Variants in CNTNAP2 observed in about 807,000 individuals in gnomAD.
The protein encoded by CNTNAP2 is contactin-associated protein-like 2.
CNTNAP2 carries 98 observed loss-of-function variants against 155.2 expected under a neutral mutation model. That is an observed-to-expected ratio of 0.63 (90% CI 0.54 to 0.75). The LOEUF (loss-of-function observed/expected upper bound fraction) is 0.75. CNTNAP2 is among the 30% of genes least tolerant of loss of function. The pLI is 0.00. For missense variants in CNTNAP2, 1,727 were observed against 1,688.1 expected, an observed-to-expected ratio of 1.02 and a Z score of -0.40; for synonymous variants, 651 against 631.2, an observed-to-expected ratio of 1.03 and a Z score of -0.47.
intron 2 of CNTNAP2, among the ~76,000 whole-genome samples, chr7:146,782,492 A>T (rs1802508648): frequency 6.6e-6 from 1 of 152,196 alleles, no homozygotes; most frequent in Non-Finnish European, 1.5e-5. Flanking sequence ...TACTGAGCTG[A>T]CCAAGGACAA....
chr7:147,371,942 A>G lies in CNTNAP2; in HGVS notation c.1499-23667A>G, dbSNP rs183454429. Among the ~76,000 whole-genome samples, 772 of 152,208 alleles carry G rather than the reference A, an allele frequency of 5.1e-3. 4 individuals carry two copies. Among genetic ancestry groups the G allele is most frequent in the African/African-American group, 0.018 (736 of 41,554 alleles). On this transcript the variant is annotated intron_variant, in intron 9 of 23. Coordinates refer to ENST00000361727, the MANE Select transcript of CNTNAP2 (RefSeq NM_014141.6). ...GTTCAGAAATGAACAAGGTGATGTA[A>G]ACACTGTCCCTAAATCTTGTTTCAC...
chr7:146,895,041 A>G (rs1452250936), intron 3 of CNTNAP2, among the ~76,000 whole-genome samples: 1 of 152,146 alleles, frequency 6.6e-6, no homozygotes, highest in Non-Finnish European at 1.5e-5. Flanking sequence ...TCCCATCTAC[A>G]GGGACAGTTT....
chr7:146,680,276 G>A (rs748412941), intron 1 of CNTNAP2, among the ~76,000 whole-genome samples: 33 of 152,030 alleles, frequency 2.2e-4, no homozygotes, highest in Non-Finnish European at 4.1e-4. Context: ...TGTGTGGAGG[G>A]AAATTTAAAA....
intron 1 of CNTNAP2, among the ~76,000 whole-genome samples, chr7:146,329,407 T>C (rs1801145553): frequency 6.6e-6 from 1 of 152,232 alleles, no homozygotes; most frequent in Admixed American, 6.5e-5. Context: ...ACATCTGACA[T>C]ATATGGAGGC....
chr7:147,040,117 C>A (rs899909502), intron 3 of CNTNAP2, among the ~76,000 whole-genome samples: 5 of 152,032 alleles, frequency 3.3e-5, no homozygotes, highest in Non-Finnish European at 7.4e-5. Flanking sequence ...AAGAGTAAAA[C>A]AACCCTGCTA....
chr7:147,706,571 T>C (rs1796320347), intron 13 of CNTNAP2, among the ~76,000 whole-genome samples: 1 of 152,216 alleles, frequency 6.6e-6, no homozygotes, highest in Non-Finnish European at 1.5e-5. Flanking sequence ...CTCTTTGTCT[T>C]TGACTTTTGA....
At position 146,397,886 on chromosome 7, in the gene CNTNAP2, TTA is replaced by T. The variant is rs201257529; in HGVS notation, c.97+280915_97+280916del. ...ATTTGACAGGCTTTTATTTATTTAT[TTA>T]TTTTTGACATGGTCTTGCTCTGTTG... On this transcript the variant is annotated intron_variant, in intron 1 of 23. Transcript: ENST00000361727. 3.1e-3 allele frequency among the ~76,000 whole-genome samples: 467 copies of T among 150,834 alleles called. 14 individuals are homozygous for T. Among genetic ancestry groups the T allele is most frequent in the South Asian group, 0.011 (52 of 4,802 alleles).
chr7:146,479,446 C>T (rs1198542970), intron 1 of CNTNAP2, among the ~76,000 whole-genome samples: 1 of 151,986 alleles, frequency 6.6e-6, no homozygotes, highest in African/African-American at 2.4e-5. Flanking sequence ...TTCATATTAG[C>T]TATATCACAT....
chr7:147,156,248 A>G (rs1801924952), intron 8 of CNTNAP2, among the ~76,000 whole-genome samples: 1 of 152,148 alleles, frequency 6.6e-6, no homozygotes, highest in Admixed American at 6.6e-5. Context: ...TGGTCCATTG[A>G]TAGGTTAAAA....
intron 10 of CNTNAP2, among the ~76,000 whole-genome samples, chr7:147,426,568 T>G (rs572527135): frequency 6.6e-6 from 1 of 152,274 alleles, no homozygotes; most frequent in African/African-American, 2.4e-5. Flanking sequence ...CACAACTAGG[T>G]CCATCAAGAT....
intron 14 of CNTNAP2, among the ~76,000 whole-genome samples, chr7:147,962,008 A>T (rs1180353674): frequency 2.0e-5 from 3 of 152,098 alleles, no homozygotes; most frequent in Non-Finnish European, 4.4e-5. Flanking sequence ...TAGATCCCTG[A>T]TGTGCTATGA....
In CNTNAP2 at chr7:148,051,940, C is replaced by A. The variant is rs533924706; in HGVS notation, c.2384-66178C>A. 3.9e-5 allele frequency among the ~76,000 whole-genome samples: 6 copies of A among 152,040 alleles called. No homozygotes were observed. The East Asian group carries it at 7.8e-4, about 20-fold the overall frequency. On this transcript the variant is annotated intron_variant, in intron 15 of 23. Coordinates refer to ENST00000361727, the MANE Select transcript of CNTNAP2 (RefSeq NM_014141.6). ...GGATCACGAGGTCAGGAGATGGAGACCATCCTGGCTAACACGGTGAAACCC... is the reference window on the plus strand; with the variant it reads ...GGATCACGAGGTCAGGAGATGGAGAACATCCTGGCTAACACGGTGAAACCC...
At chr7:147,768,161 A>G (rs1383959207) in intron 13 of CNTNAP2, among the ~76,000 whole-genome samples, 3 of 152,282 alleles carry the variant, frequency 2.0e-5, no homozygotes, top group East Asian at 3.9e-4. Context: ...CTCATCTGAA[A>G]AGGTTGAAGA....
At chr7:148,384,893 G>A (rs572072363) in intron 22 of CNTNAP2, among the ~76,000 whole-genome samples, 2 of 152,100 alleles carry the variant, frequency 1.3e-5, no homozygotes, top group Non-Finnish European at 2.9e-5. Flanking sequence ...TAAATCTGAC[G>A]TGTTTTATCA....
intron 4 of CNTNAP2, among the ~76,000 whole-genome samples, chr7:147,093,084 T>C (rs1800446177): frequency 6.7e-6 from 1 of 149,930 alleles, no homozygotes; most frequent in Non-Finnish European, 1.5e-5. Flanking sequence ...TATATATATA[T>C]ATATATATTA....
chr7:146,198,499 G>C (rs950501614), intron 1 of CNTNAP2, among the ~76,000 whole-genome samples: 1 of 151,972 alleles, frequency 6.6e-6, no homozygotes, highest in Non-Finnish European at 1.5e-5. Flanking sequence ...TGTTTAATTG[G>C]GTGTTGCTAG....
chr7:147,902,415 T>G (rs985898565), intron 13 of CNTNAP2, among the ~76,000 whole-genome samples: 4 of 152,136 alleles, frequency 2.6e-5, no homozygotes, highest in Admixed American at 1.3e-4. Flanking sequence ...AAAAAACAAA[T>G]TTATTTCTGT....
intron 22 of CNTNAP2, among the ~76,000 whole-genome samples, chr7:148,396,587 T>G (rs987255829): frequency 2.0e-5 from 3 of 152,220 alleles, no homozygotes; most frequent in Non-Finnish European, 4.4e-5. Context: ...CTTGCTATGA[T>G]CTCTACAGTT....
chr7:147,427,850 A>G (rs1797404929), intron 10 of CNTNAP2, among the ~76,000 whole-genome samples: 1 of 152,172 alleles, frequency 6.6e-6, no homozygotes, highest in African/African-American at 2.4e-5. Context: ...GCTGCATTAG[A>G]CATACCCCAA....
Sources: gnomAD v4.1 joint callset for allele counts (sites outside exome capture counted in the v4.1 genomes callset) on GRCh38, gnomAD v4.1.1 for gene constraint, MANE v1.5 for transcripts, NCBI Gene and HGNC (gene_info 2026-07-23, HGNC 2026-07-21) for gene names.